ANK3: variants seen among roughly 807,000 people sequenced by gnomAD.
ANK3 encodes ankyrin 3.
A neutral mutation model predicts 370.9 loss-of-function variants in ANK3; 57 were observed. The observed-to-expected ratio is 0.15, with a 90% CI of 0.12 to 0.19. The LOEUF (loss-of-function observed/expected upper bound fraction) is 0.19, where lower values mean the gene tolerates loss of function less well. Among genes scored for constraint, ANK3 ranks in the 10% least tolerant of loss-of-function variants. ANK3 has a pLI of 1.00. For missense variants in ANK3, 4,439 were observed against 5,302.1 expected (o/e 0.84, Z 5.06); for synonymous variants, 1,929 against 1,946.3 (o/e 0.99, Z 0.23).
intron 1 of ANK3, among the ~76,000 whole-genome samples, chr10:60,364,707 A>G (rs1393776307): frequency 2.6e-5 from 4 of 151,650 alleles, no homozygotes; most frequent in Non-Finnish European, 5.9e-5. Context: ...AATGGACGTA[A>G]TTTGTTAGAA....
chr10:60,554,081 T>A (rs1309690004), intron 2 of ANK3, among the ~76,000 whole-genome samples: 3 of 152,228 alleles, frequency 2.0e-5, no homozygotes, highest in Non-Finnish European at 4.4e-5. Context: ...TATTACTTCT[T>A]TGGCTTTTGA....
At chr10:60,229,214 T>A (rs1292214327) in intron 8 of ANK3, among the ~76,000 whole-genome samples, 8 of 152,196 alleles carry the variant, frequency 5.3e-5, no homozygotes, top group African/African-American at 1.9e-4. Flanking sequence ...AATGAAAAAA[T>A]TGATATATTT....
At chr10:60,339,843 C>G (rs1403926186) in intron 1 of ANK3, among the ~76,000 whole-genome samples, 1 of 152,190 alleles carries the variant, frequency 6.6e-6, no homozygotes, top group Non-Finnish European at 1.5e-5. Flanking sequence ...TTACAACGCG[C>G]TTGCTGTTTC....
At chr10:60,221,493 A>G (rs1158634091) in intron 8 of ANK3, among the ~76,000 whole-genome samples, 1 of 152,162 alleles carries the variant, frequency 6.6e-6, no homozygotes, top group Non-Finnish European at 1.5e-5. Flanking sequence ...AGCTTCCACA[A>G]TTGTCACCCC....
intron 1 of ANK3, among the ~76,000 whole-genome samples, chr10:60,631,671 C>A (rs780836207): frequency 3.9e-5 from 6 of 152,050 alleles, no homozygotes; most frequent in Non-Finnish European, 5.9e-5. Context: ...ATTGTTAAAT[C>A]ATCAAAAGTA....
At chr10:60,287,196 C>CAT (rs934293292) in intron 1 of ANK3, among the ~76,000 whole-genome samples, 1 of 152,120 alleles carries the variant, frequency 6.6e-6, no homozygotes, top group Non-Finnish European at 1.5e-5. Flanking sequence ...TTTGCTTTCA[C>CAT]ATATATATAT....
intron 1 of ANK3, among the ~76,000 whole-genome samples, chr10:60,376,189 C>T (rs2060751117): frequency 6.6e-6 from 1 of 152,190 alleles, no homozygotes; most frequent in African/African-American, 2.4e-5. Flanking sequence ...CTCCAAAAAT[C>T]TGTTTTCCTA....
chr10:60,309,922 CTTT>C (rs71015785), intron 1 of ANK3, among the ~76,000 whole-genome samples: 3,326 of 134,200 alleles, frequency 0.025, 98 homozygotes, highest in African/African-American at 0.081. Flanking sequence ...TTTCTTTTTT[CTTT>C]TTTTTTTTTT....
chr10:60,032,184 T>A (rs10994157), intron 43 of ANK3, among the ~76,000 whole-genome samples: 11,116 of 141,952 alleles, frequency 0.078, 572 homozygotes, highest in African/African-American at 0.13. Context: ...CTATTATAAA[T>A]ACACAGCTTC....
At chr10:60,267,090 G>C (rs2097892926) in intron 5 of ANK3, among the ~76,000 whole-genome samples, 1 of 152,082 alleles carries the variant, frequency 6.6e-6, no homozygotes. Flanking sequence ...TTTGAAGTGT[G>C]CCAGGCTTAC....
At chr10:60,484,488 G>A (rs749244311) in intron 2 of ANK3, among the ~76,000 whole-genome samples, 17 of 152,096 alleles carry the variant, frequency 1.1e-4, no homozygotes, top group South Asian at 4.1e-4. Context: ...AGAAACAAGC[G>A]TGGCAATGAG....
intron 1 of ANK3, among the ~76,000 whole-genome samples, chr10:60,711,381 T>G (rs1816799): frequency 0.67 from 101,096 of 150,396 alleles, 34,026 homozygotes; most frequent in South Asian, 0.83. Context: ...TGAATAAAAA[T>G]AAATAAATAA....
intron 1 of ANK3, among the ~76,000 whole-genome samples, chr10:60,327,943 T>C (rs2050282770): frequency 6.6e-6 from 1 of 152,134 alleles, no homozygotes; most frequent in Non-Finnish European, 1.5e-5. Context: ...AAGGTGTGTG[T>C]GTGTAAATGG....
chr10:60,614,126 A>G (rs915929685), intron 2 of ANK3, among the ~76,000 whole-genome samples: 2 of 152,210 alleles, frequency 1.3e-5, no homozygotes, highest in African/African-American at 4.8e-5. Context: ...TATGTTACAG[A>G]AACAAAATAA....
intron 21 of ANK3, among the ~76,000 whole-genome samples, chr10:60,171,275 C>T (rs949663370): frequency 5.3e-5 from 8 of 152,258 alleles, no homozygotes; most frequent in South Asian, 2.1e-4. Context: ...TTGCAAATTA[C>T]AAAATTTTTC....
intron 2 of ANK3, among the ~76,000 whole-genome samples, chr10:60,598,675 C>A (rs955069592): frequency 4.6e-5 from 7 of 152,082 alleles, no homozygotes; most frequent in Non-Finnish European, 1.0e-4. Flanking sequence ...AGTAACGGTA[C>A]AAAATTAAAT....
At chr10:60,197,513 T>C (rs2096605954) in intron 14 of ANK3, among the ~76,000 whole-genome samples, 1 of 152,220 alleles carries the variant, frequency 6.6e-6, no homozygotes, top group Non-Finnish European at 1.5e-5. Flanking sequence ...TCACCCATTA[T>C]TCTGTTTCAC....
intron 2 of ANK3, among the ~76,000 whole-genome samples, chr10:60,474,920 A>T (rs2075019573): frequency 1.3e-5 from 2 of 152,128 alleles, no homozygotes; most frequent in African/African-American, 4.8e-5. Context: ...CTGCATTTAA[A>T]TTTTTTCTGC....
chr10:60,110,487 A>G (rs1257055078), intron 26 of ANK3, among the ~76,000 whole-genome samples: 1 of 152,180 alleles, frequency 6.6e-6, no homozygotes, highest in Non-Finnish European at 1.5e-5. Context: ...ACGATAATCA[A>G]GGTAAAAGGG....
Sources: allele counts gnomAD v4.1 joint callset (sites outside exome capture counted in the v4.1 genomes callset), GRCh38; gene constraint gnomAD v4.1.1; transcripts MANE v1.5; gene names NCBI Gene and HGNC (gene_info 2026-07-23, HGNC 2026-07-21).